Variants in MAST2 observed in about 807,000 individuals in gnomAD.
MAST2 encodes the protein microtubule associated serine/threonine kinase 2, also known as microtubule-associated serine/threonine-protein kinase 2.
A neutral mutation model predicts 147.4 loss-of-function variants in MAST2; 70 were observed. That is an observed-to-expected ratio of 0.47 (90% CI 0.39 to 0.58). MAST2 has a LOEUF of 0.58. MAST2 is among the 20% of genes least tolerant of loss of function. MAST2 has a pLI of 0.00. For synonymous variants in MAST2, 869 were observed against 896.8 expected, an observed-to-expected ratio of 0.97 and a Z score of 0.55; for missense variants, 2,080 against 2,302.3, an observed-to-expected ratio of 0.90 and a Z score of 1.98.
intron 5 of MAST2, among the ~76,000 whole-genome samples, chr1:45,970,581 C>T (rs1383807143): frequency 2.5e-4 from 37 of 145,900 alleles, no homozygotes; most frequent in Non-Finnish European, 1.5e-4. Context: ...GGCGGGAGAA[C>T]GGCTTGAACC....
At chr1:45,855,600 T>C (rs1442620292) in intron 3 of MAST2, among the ~76,000 whole-genome samples, 1 of 148,864 alleles carries the variant, frequency 6.7e-6, no homozygotes, top group African/African-American at 2.5e-5. Context: ...GAGATGAAAC[T>C]TTTTTTTTTG....
At chr1:45,921,680 C>T (rs1653517843) in intron 4 of MAST2, among the ~76,000 whole-genome samples, 1 of 152,108 alleles carries the variant, frequency 6.6e-6, no homozygotes, top group South Asian at 2.1e-4. Context: ...GCGGTGGTGC[C>T]CAGAAACTTG....
intron 4 of MAST2, among the ~76,000 whole-genome samples, chr1:45,935,967 CTG>C (rs1656128946): frequency 6.6e-6 from 1 of 152,196 alleles, no homozygotes; most frequent in Admixed American, 6.5e-5. Flanking sequence ...AACATTGAAT[CTG>C]TAAATTGCTT....
intron 4 of MAST2, among the ~76,000 whole-genome samples, chr1:45,933,160 T>C (rs1452360019): frequency 7.4e-6 from 1 of 135,704 alleles, no homozygotes; most frequent in African/African-American, 2.8e-5. Flanking sequence ...GAGTTCAAGG[T>C]TGCAGTGAGT....
chr1:46,028,687 A>G lies in MAST2; in HGVS notation c.2053-81A>G, dbSNP rs1646513403. 14 of 1,461,764 alleles carry G rather than the reference A, an allele frequency of 9.6e-6. No individual in the cohort carries two copies. The South Asian group carries it at 1.3e-4, about 14-fold the overall frequency. The allele number at this position is 1,461,764 out of a possible 1,614,324, so 90.5% of individuals were successfully genotyped here. A position where few individuals can be genotyped will look rare whatever the true frequency, so the allele number is the denominator to read the frequency against. On this transcript the variant is annotated intron_variant, in intron 17 of 28. Transcript: ENST00000361297. ...TCATTCAGAGATTCTTCTGCTCGAGATGGGAGCATCCCCCATCTCCGGCTG... is the reference window on the plus strand; with the variant it reads ...TCATTCAGAGATTCTTCTGCTCGAGGTGGGAGCATCCCCCATCTCCGGCTG...
At chr1:45,880,539 T>G (rs949770987) in intron 3 of MAST2, among the ~76,000 whole-genome samples, 1 of 152,188 alleles carries the variant, frequency 6.6e-6, no homozygotes, top group African/African-American at 2.4e-5. Flanking sequence ...TACGTAAGAT[T>G]AAGTAATTTA....
chr1:46,021,853 C>T (rs770839403), intron 11 of MAST2, 97 bp from the exon 12 acceptor site: 3 of 1,181,282 alleles, frequency 2.5e-6, no homozygotes, highest in East Asian at 4.8e-5. Context: ...CAGAGAAAGT[C>T]TTGTTCATCT....
chr1:45,803,705 G>A lies in MAST2; in HGVS notation c.-191G>A, dbSNP rs1644055839. The stretch of plus-strand genomic sequence containing the variant: ...TCAGCGATGCTGTCTCTTCCGTGAG[G>A]AGCGCAGAGGAGGTCGCGGCGCCGG... On this transcript the variant is annotated 5_prime_UTR_variant, in exon 1 of 29. Transcript: ENST00000361297. 2.9e-6 allele frequency: 1 copy of A among 350,132 alleles called. No individual in the cohort carries two copies. Among genetic ancestry groups the A allele is most frequent in the Non-Finnish European group, 5.1e-6 (1 of 197,072 alleles). 21.7% of individuals were successfully genotyped at this position (350,132 alleles called of 1,614,324 possible).
intron 4 of MAST2, among the ~76,000 whole-genome samples, chr1:45,951,359 G>T (rs933308619): frequency 2.6e-5 from 4 of 152,204 alleles, no homozygotes; most frequent in Non-Finnish European, 1.5e-5. Flanking sequence ...AAGACGGGCG[G>T]ATCACTTGAG....
At chr1:45,961,773 A>G (rs1258523175) in intron 5 of MAST2, among the ~76,000 whole-genome samples, 3 of 151,744 alleles carry the variant, frequency 2.0e-5, no homozygotes, top group Admixed American at 6.6e-5. Flanking sequence ...CTTTTTTTTT[A>G]TAGATAATTT....
intron 4 of MAST2, among the ~76,000 whole-genome samples, chr1:45,932,798 T>G (rs553739753): frequency 2.0e-5 from 3 of 152,274 alleles, no homozygotes; most frequent in Non-Finnish European, 4.4e-5. Context: ...CAAGGGAAGT[T>G]TCTTCAGGCT....
intron 5 of MAST2, among the ~76,000 whole-genome samples, chr1:45,962,778 A>C (rs1035030177): frequency 1.3e-5 from 2 of 152,214 alleles, no homozygotes; most frequent in Non-Finnish European, 2.9e-5. Flanking sequence ...TAGTTTAATT[A>C]GATCCCATTT....
rs775919562 is a variant in MAST2, at chr1:46,010,841, G to A, written c.1090G>A (p.Glu364Lys). ...GAGCTTTATTCATCATCAGGTGATT[G>A]AGATGGCCCGAGACTGCCTGGATAA... The part of the protein sequence containing the change: ...ALSFIHHQVI[E>K]MARDCLDKSR... Residue 364 changes from glutamate (E) to lysine (K), a missense_variant, in exon 10 of 29, where the codon GAG becomes AAG. Transcript: ENST00000361297. 1 of 1,614,230 alleles carries A rather than the reference G, an allele frequency of 6.2e-7. No homozygotes were observed. The highest frequency in any genetic ancestry group is 1.3e-5 in the African/African-American group (1 of 75,058).
At chr1:46,022,106 C>G in intron 12 of MAST2, 24 bp downstream of exon 12, 1 of 1,612,610 alleles carries the variant, frequency 6.2e-7, no homozygotes, top group East Asian at 2.2e-5. Context: ...CTAGTGGCTG[C>G]AAAGAGGCCC....
At chr1:46,021,794 C>G (rs1412495466) in intron 11 of MAST2, among the ~76,000 whole-genome samples, 156 bp from the exon 12 acceptor site, 1 of 152,226 alleles carries the variant, frequency 6.6e-6, no homozygotes, top group Admixed American at 6.5e-5. Context: ...TTCCTGTGAT[C>G]CCTGAATCAT....
intron 3 of MAST2, among the ~76,000 whole-genome samples, chr1:45,832,164 G>A (rs934327198): frequency 1.3e-5 from 2 of 152,036 alleles, no homozygotes; most frequent in African/African-American, 4.8e-5. Context: ...TTAAAGCCTC[G>A]CCTGCTTCCC....
intron 4 of MAST2, among the ~76,000 whole-genome samples, chr1:45,938,825 T>C (rs1188604898): frequency 6.6e-6 from 1 of 152,218 alleles, no homozygotes; most frequent in Non-Finnish European, 1.5e-5. Context: ...GAGCATCTTA[T>C]CTCATTGTTA....
rs758094340 is a variant in MAST2, at chr1:46,034,751, G to A, written c.4082G>A (p.Arg1361Gln). Residue 1361 changes from arginine (R) to glutamine (Q), a missense_variant, in exon 29 of 29, where the codon CGG (arginine) becomes CAG (glutamine). By Grantham distance (43) the Arg-to-Gln change is conservative. This residue lies in a region of MAST2 where 1,278 missense variants were observed against 1,304.2 expected (regional missense o/e 0.98). Coordinates refer to ENST00000361297, the MANE Select transcript of MAST2 (RefSeq NM_015112.3). The part of the protein sequence containing the change: ...SPPPPTASPQ[R>Q]SPSPLSGHVA... ...CCACCCCCAACAGCTTCACCTCAGC[G>A]GTCCCCATCGCCCCTGTCTGGCCAT... 1.9e-5 allele frequency: 31 copies of A among 1,613,306 alleles called. No homozygotes were observed. The highest frequency in any genetic ancestry group is 4.4e-5 in the South Asian group (4 of 91,048).
At chr1:45,929,822 A>G (rs1488991953) in intron 4 of MAST2, among the ~76,000 whole-genome samples, 2 of 151,856 alleles carry the variant, frequency 1.3e-5, no homozygotes, top group Admixed American at 6.6e-5. Flanking sequence ...TTGGAGGGCT[A>G]TCTTCAGGAT....
Sources: allele counts gnomAD v4.1 joint callset (sites outside exome capture counted in the v4.1 genomes callset), GRCh38; gene constraint gnomAD v4.1.1; regional missense constraint gnomAD v4.1.1; transcripts MANE v1.5; gene names NCBI Gene and HGNC (gene_info 2026-07-23, HGNC 2026-07-21).